Variants in KIF6 observed in about 807,000 individuals in gnomAD.
KIF6 encodes the protein kinesin family member 6, also known as kinesin-like protein KIF6.
KIF6 carries 106 observed loss-of-function variants against 112.7 expected under a neutral mutation model. The ratio of observed to expected loss-of-function variants is 0.94; its 90% CI spans 0.80 to 1.11. The LOEUF is 1.11. Ranked by LOEUF, KIF6 falls within the 50% of genes least tolerant of loss-of-function variation. The pLI, the probability that KIF6 is intolerant of heterozygous loss-of-function variation, is 0.00. For synonymous variants in KIF6, 339 were observed against 339.9 expected (o/e 1.00, Z 0.03); for missense variants, 929 against 964.0 (o/e 0.96, Z 0.48).
chr6:39,524,794 C>T (rs1285767939), intron 13 of KIF6, among the ~76,000 whole-genome samples: 7 of 152,238 alleles, frequency 4.6e-5, no homozygotes, highest in Admixed American at 4.6e-4. Flanking sequence ...TGTCCTCTCA[C>T]TTCCACAGGT....
chr6:39,686,925 A>G (rs2113790486), intron 3 of KIF6, among the ~76,000 whole-genome samples: 1 of 152,328 alleles, frequency 6.6e-6, no homozygotes, highest in Admixed American at 6.5e-5. Context: ...AAGATCCCAA[A>G]ATAAAGAACA....
chr6:39,434,552 C>T (rs1771392439), intron 13 of KIF6, among the ~76,000 whole-genome samples: 1 of 151,988 alleles, frequency 6.6e-6, no homozygotes, highest in South Asian at 2.1e-4. Flanking sequence ...GCCTGGGTGA[C>T]AAGGTGCGAC....
At chr6:39,535,021 T>C (rs4549608) in intron 13 of KIF6, among the ~76,000 whole-genome samples, 11,233 of 152,190 alleles carry the variant, frequency 0.074, 488 homozygotes, top group Middle Eastern at 0.15. Flanking sequence ...CTGAGAGATT[T>C]TGTCACCGCC....
At chr6:39,387,883 C>T (rs1167366101) in intron 15 of KIF6, among the ~76,000 whole-genome samples, 4 of 152,158 alleles carry the variant, frequency 2.6e-5, no homozygotes, top group African/African-American at 9.7e-5. Context: ...CATTTAGAAA[C>T]ATCTCTTGAT....
intron 18 of KIF6, among the ~76,000 whole-genome samples, chr6:39,358,324 T>C (rs1281032491): frequency 6.6e-6 from 1 of 152,244 alleles, no homozygotes; most frequent in Non-Finnish European, 1.5e-5. Context: ...TTTCTGCCTC[T>C]GCCCACTGAG....
chr6:39,397,535 C>T (rs1340070341), intron 15 of KIF6, among the ~76,000 whole-genome samples: 1 of 151,626 alleles, frequency 6.6e-6, no homozygotes, highest in East Asian at 1.9e-4. Context: ...TCGTTTCCCC[C>T]TCCCTGAACT....
intron 13 of KIF6, among the ~76,000 whole-genome samples, chr6:39,516,687 T>A (rs867247132): frequency 1.2e-4 from 18 of 152,112 alleles, no homozygotes; most frequent in African/African-American, 4.1e-4. Context: ...CTTGTGAAAT[T>A]TAAAACTTCT....
Position 39,343,310 on chromosome 6 carries a change from G to A in KIF6, c.2428+399C>T. The A allele has an allele frequency of 7.7e-7, 1 of 1,294,104 alleles. No individual in the cohort carries two copies. The highest frequency in any genetic ancestry group is 1.0e-6 in the Non-Finnish European group (1 of 991,812). 80.2% of individuals were successfully genotyped at this position (1,294,104 alleles called of 1,614,324 possible). On this transcript the variant is annotated intron_variant, in intron 22 of 22. Transcript: ENST00000287152. The surrounding 1 kb of genome is among the most constrained non-coding windows in gnomAD (Gnocchi z 4.1). ...CTTTGGCAAGAACCACACTCTGATA[G>A]GGGAGTGAGACTTTAAGCCAGGGGT...
chr6:39,567,768 T>C (rs1272207834), intron 10 of KIF6, among the ~76,000 whole-genome samples: 2 of 152,056 alleles, frequency 1.3e-5, no homozygotes, highest in Non-Finnish European at 2.9e-5. Flanking sequence ...CCACCGCGCC[T>C]GGCTAATTTT....
intron 19 of KIF6, among the ~76,000 whole-genome samples, chr6:39,348,707 CAGAGTGTTT>C (rs1025893953): frequency 4.2e-4 from 64 of 152,308 alleles, no homozygotes; most frequent in African/African-American, 1.4e-3. Flanking sequence ...GGTTGCCAAT[CAGAGTGTTT>C]AGTGGGATCA....
At chr6:39,370,052 G>A (rs889481126) in intron 16 of KIF6, among the ~76,000 whole-genome samples, 1 of 152,136 alleles carries the variant, frequency 6.6e-6, no homozygotes, top group Non-Finnish European at 1.5e-5. Flanking sequence ...CTCCTCCATT[G>A]GAAGTGTGCC....
rs144817093 is a variant in KIF6 at position 39,661,467 on chromosome 6, C to A, written c.252-21710G>T. On this transcript the variant is annotated intron_variant, in intron 3 of 22. Coordinates refer to ENST00000287152, the MANE Select transcript of KIF6 (RefSeq NM_145027.6). The stretch of plus-strand genomic sequence containing the variant: ...TTTAGATTTTTTTCTGTGTCTATTG[C>A]CTATGTGTAAAGAATTCATTCTTTT... Among the ~76,000 whole-genome samples, 325 of 152,102 alleles carry A rather than the reference C, an allele frequency of 2.1e-3. 1 individual carries two copies. The highest frequency in any genetic ancestry group is 7.2e-3 in the African/African-American group (298 of 41,484).
chr6:39,618,902 T>C (rs1277474023), intron 5 of KIF6, among the ~76,000 whole-genome samples: 1 of 152,198 alleles, frequency 6.6e-6, no homozygotes, highest in Non-Finnish European at 1.5e-5. Context: ...ATGTATGCCT[T>C]TCATCTGTTG....
chr6:39,498,504 C>G (rs1775915040), intron 13 of KIF6, among the ~76,000 whole-genome samples: 1 of 152,078 alleles, frequency 6.6e-6, no homozygotes, highest in South Asian at 2.1e-4. Context: ...CCAGGGCAAA[C>G]TTTTTTTGTG....
chr6:39,578,681 C>T (rs1204964626), intron 9 of KIF6, among the ~76,000 whole-genome samples: 1 of 151,950 alleles, frequency 6.6e-6, no homozygotes, highest in African/African-American at 2.4e-5. Context: ...ACTGGAACCC[C>T]CTATTGGTAT....
rs1207726098 is a variant in KIF6 at position 39,604,429 on chromosome 6, C to G, written c.640-8169G>C. Among the ~76,000 whole-genome samples, 9 of 152,268 alleles carry G rather than the reference C, an allele frequency of 5.9e-5. No individual in the cohort carries two copies. In the East Asian group the frequency reaches 1.7e-3, roughly 29 times the overall value. The stretch of plus-strand genomic sequence containing the variant: ...TGACCCTACAAACACCTACCTTGAA[C>G]TTTTCTGGAGTTGTTTCAGAACACA... On this transcript the variant is annotated intron_variant, in intron 6 of 22. Coordinates refer to ENST00000287152, the MANE Select transcript of KIF6 (RefSeq NM_145027.6).
At chr6:39,364,920 C>T (rs1005988214) in intron 16 of KIF6, among the ~76,000 whole-genome samples, 7 of 152,164 alleles carry the variant, frequency 4.6e-5, no homozygotes, top group South Asian at 4.1e-4. Flanking sequence ...GCAGCTCTGT[C>T]GTGGTTGGCC....
Position 39,419,947 on chromosome 6 carries a change from C to T in KIF6, c.1810+1G>A, listed in dbSNP as rs371798783. The T allele has an allele frequency of 3.0e-5, 48 of 1,611,780 alleles. No individual in the cohort carries two copies. Among genetic ancestry groups the T allele is most frequent in the Non-Finnish European group, 4.0e-5 (47 of 1,177,980 alleles). ...AGGCTCACAGAATATCATCTGCTTA[C>T]CAATTTTACTTCTTGCTTCATTTAT... is the stretch of plus-strand genomic sequence containing the variant. On this transcript the variant is annotated splice_donor_variant, in intron 15 of 22. Coordinates refer to ENST00000287152, the MANE Select transcript of KIF6 (RefSeq NM_145027.6). LOFTEE classifies it high-confidence loss of function.
chr6:39,612,028 G>T (rs796321984), intron 6 of KIF6, among the ~76,000 whole-genome samples: 26 of 152,192 alleles, frequency 1.7e-4, no homozygotes, highest in African/African-American at 5.5e-4. Flanking sequence ...ACCTATATAA[G>T]TTAGCTAGTC....
Sources: gnomAD v4.1 joint callset for allele counts (sites outside exome capture counted in the v4.1 genomes callset) on GRCh38, gnomAD v4.1.1 for gene constraint, Gnocchi (gnomAD v3.1) non-coding constraint, MANE v1.5 for transcripts, NCBI Gene and HGNC (gene_info 2026-07-23, HGNC 2026-07-21) for gene names.